The following DPYD variants were observed in gnomAD, a reference collection of about 807,000 sequenced individuals.
DPYD encodes the protein dihydropyrimidine dehydrogenase [NADP(+)].
Under a neutral mutation model 116.2 loss-of-function variants are expected in DPYD, and 109 were observed. The ratio of observed to expected loss-of-function variants is 0.94; its 90% CI spans 0.80 to 1.10. The LOEUF (loss-of-function observed/expected upper bound fraction) is 1.10. Ranked by LOEUF, DPYD falls within the 50% of genes least tolerant of loss-of-function variation. The pLI, the probability that DPYD is intolerant of heterozygous loss-of-function variation, is 0.00. For missense variants in DPYD, 1,302 were observed against 1,254.5 expected, an observed-to-expected ratio of 1.04 and a Z score of -0.57; for synonymous variants, 440 against 432.0, an observed-to-expected ratio of 1.02 and a Z score of -0.23.
At chr1:97,353,221 G>A (rs1341551708) in intron 16 of DPYD, among the ~76,000 whole-genome samples, 2 of 152,172 alleles carry the variant, frequency 1.3e-5, no homozygotes, top group East Asian at 3.9e-4. Flanking sequence ...ATTTATTATG[G>A]TCACTCGCTG....
At chr1:97,362,830 G>T (rs1003260732) in intron 16 of DPYD, among the ~76,000 whole-genome samples, 8 of 152,090 alleles carry the variant, frequency 5.3e-5, no homozygotes, top group African/African-American at 1.9e-4. Context: ...TCACATGTTA[G>T]ACCTAAAACC....
chr1:97,816,993 T>G lies in DPYD; in HGVS notation c.233+11121A>C, dbSNP rs1429983072. Among the ~76,000 whole-genome samples the G allele has an allele frequency of 2.0e-5, 3 of 152,296 alleles. No homozygotes were observed. The South Asian group carries it at 6.2e-4, about 32-fold the overall frequency. ...TCCAAACATTATTTGAAATTTCTTC[T>G]AATGGACTTAAGTCATGTTTGCTCT... On this transcript the variant is annotated intron_variant, in intron 3 of 22. Coordinates refer to ENST00000370192, the MANE Select transcript of DPYD (RefSeq NM_000110.4).
At chr1:97,352,737 G>A (rs139055528) in intron 16 of DPYD, among the ~76,000 whole-genome samples, 35 of 151,992 alleles carry the variant, frequency 2.3e-4, no homozygotes, top group African/African-American at 7.5e-4. Flanking sequence ...GCACTCCTCC[G>A]GACACGTGTT....
intron 18 of DPYD, among the ~76,000 whole-genome samples, chr1:97,246,877 T>C (rs1198878604): frequency 6.6e-6 from 1 of 152,184 alleles, no homozygotes; most frequent in African/African-American, 2.4e-5. Flanking sequence ...ATAGCAATTG[T>C]TAATTATTAA....
intron 13 of DPYD, among the ~76,000 whole-genome samples, chr1:97,503,838 G>T (rs1171263429): frequency 6.6e-6 from 1 of 151,910 alleles, no homozygotes; most frequent in Non-Finnish European, 1.5e-5. Context: ...AAATGTAAGG[G>T]TTTTTAAATA....
intron 13 of DPYD, among the ~76,000 whole-genome samples, chr1:97,478,460 G>C (rs1678109560): frequency 6.6e-6 from 1 of 151,988 alleles, no homozygotes; most frequent in African/African-American, 2.4e-5. Context: ...GCTATTTTTT[G>C]TATTTTTAGT....
At chr1:97,657,611 T>C (rs567391281) in intron 8 of DPYD, among the ~76,000 whole-genome samples, 25 of 152,286 alleles carry the variant, frequency 1.6e-4, no homozygotes, top group African/African-American at 5.3e-4. Flanking sequence ...ATACATTGTG[T>C]GTAAATGAAC....
At chr1:97,435,092 A>G (rs998807386) in intron 14 of DPYD, among the ~76,000 whole-genome samples, 2 of 151,998 alleles carry the variant, frequency 1.3e-5, no homozygotes, top group Non-Finnish European at 2.9e-5. Flanking sequence ...TTTTGGGGAA[A>G]AGGCTCATTG....
At chr1:97,810,670 C>T (rs1668308890) in intron 3 of DPYD, among the ~76,000 whole-genome samples, 1 of 152,058 alleles carries the variant, frequency 6.6e-6, no homozygotes, top group Non-Finnish European at 1.5e-5. Flanking sequence ...CTTACCAAAA[C>T]CAGTATGACA....
intron 16 of DPYD, among the ~76,000 whole-genome samples, chr1:97,318,673 G>A (rs550722376): frequency 5.4e-4 from 81 of 151,112 alleles, no homozygotes; most frequent in African/African-American, 1.7e-3. Flanking sequence ...ACAGATCAAC[G>A]AGACAGAAAG....
chr1:97,527,266 A>T (rs1193380990), intron 12 of DPYD, among the ~76,000 whole-genome samples: 2 of 151,966 alleles, frequency 1.3e-5, no homozygotes, highest in Non-Finnish European at 1.5e-5. Context: ...TTTTGTAGAG[A>T]CAGGGTTTCA....
chr1:97,193,689 T>C (rs190572793), intron 19 of DPYD, among the ~76,000 whole-genome samples: 139 of 152,268 alleles, frequency 9.1e-4, no homozygotes, highest in Non-Finnish European at 1.7e-3. Context: ...GTTTATTACG[T>C]TAACTCAACC....
At chr1:97,543,503 C>T (rs920719558) in intron 12 of DPYD, among the ~76,000 whole-genome samples, 1 of 152,232 alleles carries the variant, frequency 6.6e-6, no homozygotes, top group East Asian at 1.9e-4. Flanking sequence ...TGCATTAATA[C>T]TATAATCTGT....
intron 16 of DPYD, among the ~76,000 whole-genome samples, chr1:97,353,763 G>T (rs898811978): frequency 6.6e-6 from 1 of 151,644 alleles, no homozygotes; most frequent in Admixed American, 6.6e-5. Flanking sequence ...TGGACTTTTC[G>T]GTAGTATTTA....
At chr1:97,120,975 T>C (rs982379495) in intron 20 of DPYD, among the ~76,000 whole-genome samples, 11 of 151,936 alleles carry the variant, frequency 7.2e-5, no homozygotes, top group Non-Finnish European at 1.3e-4. Flanking sequence ...CTGGGGAGAG[T>C]TCTAAGTAAT....
At chr1:97,636,100 C>T (rs1322678260) in intron 8 of DPYD, among the ~76,000 whole-genome samples, 3 of 151,978 alleles carry the variant, frequency 2.0e-5, no homozygotes, top group Non-Finnish European at 2.9e-5. Flanking sequence ...GGATTACAGG[C>T]ATGAGCCACT....
chr1:97,546,313 A>G (rs2102071372), intron 12 of DPYD: 1 of 1,431,142 alleles, frequency 7.0e-7, no homozygotes, highest in East Asian at 2.3e-5. Context: ...ACCACAGTCA[A>G]AGCAACAGAA....
chr1:97,522,701 A>C (rs1223795080), intron 12 of DPYD, among the ~76,000 whole-genome samples: 1 of 145,770 alleles, frequency 6.9e-6, no homozygotes, highest in Non-Finnish European at 1.5e-5. Flanking sequence ...CCTGGGCAAC[A>C]AGTGAGACTC....
rs1669074714 is a variant in DPYD at position 97,332,690 on chromosome 1, C to T, written c.2059-26393G>A. ...ATAGTATGAATAGTAATGTAAATCA[C>T]AAACTCTGGAAAAATGAACAAAATG... On this transcript the variant is annotated intron_variant, in intron 16 of 22. Transcript: ENST00000370192. 3.3e-5 allele frequency among the ~76,000 whole-genome samples: 5 copies of T among 152,228 alleles called. 1 individual carries two copies. In the South Asian group the frequency reaches 1.0e-3, roughly 32 times the overall value.
Sources: allele counts gnomAD v4.1 joint callset (sites outside exome capture counted in the v4.1 genomes callset), GRCh38; gene constraint gnomAD v4.1.1; transcripts MANE v1.5; gene names NCBI Gene and HGNC (gene_info 2026-07-23, HGNC 2026-07-21).